Variants in NEBL observed in about 807,000 individuals in gnomAD.
NEBL encodes the protein LIM and SH3 protein 2.
NEBL carries 122 observed loss-of-function variants against 140.2 expected under a neutral mutation model. That is an observed-to-expected ratio of 0.87 (90% confidence interval 0.75 to 1.01). The LOEUF (loss-of-function observed/expected upper bound fraction) is 1.01, where lower values mean the gene tolerates loss of function less well. NEBL is among the 50% of genes least tolerant of loss of function. NEBL has a pLI of 0.00. For missense variants in NEBL, 1,365 were observed against 1,231.3 expected, an observed-to-expected ratio of 1.11 and a Z score of -1.62; for synonymous variants, 436 against 398.9, an observed-to-expected ratio of 1.09 and a Z score of -1.11.
intron 2 of NEBL, among the ~76,000 whole-genome samples, chr10:21,089,243 G>A (rs1836794283): frequency 6.6e-6 from 1 of 152,172 alleles, no homozygotes; most frequent in African/African-American, 2.4e-5. Flanking sequence ...CATGAGGTCA[G>A]GGCTGGATAT....
chr10:20,957,409 T>C (rs1835857825), intron 4 of NEBL, among the ~76,000 whole-genome samples: 1 of 152,232 alleles, frequency 6.6e-6, no homozygotes, highest in South Asian at 2.1e-4. Flanking sequence ...TTAGCTTTTC[T>C]TGTAAAGTAG....
In NEBL at chr10:21,077,974, G is replaced by C. The variant is rs148744089; in HGVS notation, c.165-57773C>G. Among the ~76,000 whole-genome samples, 942 of 152,316 alleles carry C rather than the reference G, an allele frequency of 6.2e-3. 7 individuals are homozygous for C. Among genetic ancestry groups the C allele is most frequent in the Middle Eastern group, 0.058 (17 of 292 alleles). On this transcript the variant is annotated intron_variant, in intron 2 of 6. Transcript: ENST00000417816. ...CATATCAAGTCCGATGGATACTGCA[G>C]AGCTGGCTGTCACAGGGACACTGAG...
chr10:21,214,387 A>G (rs1245328214), intron 3 of NEBL, among the ~76,000 whole-genome samples: 1 of 152,146 alleles, frequency 6.6e-6, no homozygotes, highest in Non-Finnish European at 1.5e-5. Context: ...GAGAGGGAGG[A>G]AGGAAAGAAA....
At chr10:21,138,809 A>G (rs564064771) in intron 2 of NEBL, among the ~76,000 whole-genome samples, 5 of 150,024 alleles carry the variant, frequency 3.3e-5, no homozygotes, top group African/African-American at 1.2e-4. Context: ...TAACGACACC[A>G]AACTAAACTA....
At chr10:21,125,141 A>T (rs1410132486) in intron 2 of NEBL, among the ~76,000 whole-genome samples, 1 of 152,170 alleles carries the variant, frequency 6.6e-6, no homozygotes, top group Non-Finnish European at 1.5e-5. Context: ...AGCAATGCTA[A>T]CATCTCTAAT....
intron 3 of NEBL, among the ~76,000 whole-genome samples, chr10:21,187,131 A>G (rs1333179821): frequency 6.6e-6 from 1 of 152,120 alleles, no homozygotes; most frequent in African/African-American, 2.4e-5. Context: ...ATATATACAT[A>G]CATACATACA....
At chr10:21,031,620 T>A (rs1313641050) in intron 2 of NEBL, among the ~76,000 whole-genome samples, 3 of 152,336 alleles carry the variant, frequency 2.0e-5, no homozygotes, top group East Asian at 3.9e-4. Flanking sequence ...AAATCTGAAC[T>A]GAAGCCAGCT....
intron 2 of NEBL, among the ~76,000 whole-genome samples, chr10:21,038,552 T>A (rs1345240576): frequency 1.3e-5 from 2 of 152,256 alleles, no homozygotes; most frequent in African/African-American, 4.8e-5. Context: ...CATTCTTTTT[T>A]ATGGCTGCAT....
At chr10:20,968,554 C>A (rs575634752) in intron 3 of NEBL, among the ~76,000 whole-genome samples, 58 of 152,120 alleles carry the variant, frequency 3.8e-4, no homozygotes, top group African/African-American at 1.4e-3. Flanking sequence ...AGGGAGGAAT[C>A]ATAGAAGTTC....
chr10:20,878,448 C>A (rs527962097), intron 5 of NEBL, among the ~76,000 whole-genome samples: 1 of 152,312 alleles, frequency 6.6e-6, no homozygotes, highest in South Asian at 2.1e-4. Context: ...CTAGTAAATT[C>A]TCTGCAATGA....
Position 20,819,429 on chromosome 10 carries a change from T to C in NEBL, c.2050A>G (p.Ser684Gly). 1.2e-6 allele frequency: 2 copies of C among 1,614,114 alleles called. No homozygotes were observed. The highest frequency in any genetic ancestry group is 1.7e-6 in the Non-Finnish European group (2 of 1,179,998). ...ERVRRNQEQL[S>G]AVKYKGELQR... is the part of the protein sequence containing the mutation. ...AGGAAACAGAAACGACTTGCCGCACTCAGCTGCTCCTGGTTTCGCCTCACT... is the reference window on the plus strand; with the variant it reads ...AGGAAACAGAAACGACTTGCCGCACCCAGCTGCTCCTGGTTTCGCCTCACT... Residue 684 changes from serine to glycine, a missense_variant, in exon 20 of 28, where the codon AGT (serine) becomes GGT (glycine). Coordinates refer to ENST00000377122, the MANE Select transcript of NEBL (RefSeq NM_006393.3).
At chr10:21,094,486 C>T (rs1287357488) in intron 2 of NEBL, among the ~76,000 whole-genome samples, 6 of 114,690 alleles carry the variant, frequency 5.2e-5, no homozygotes, top group East Asian at 2.6e-4. Flanking sequence ...TGGGAGACAG[C>T]GAGACTCCGT....
At chr10:20,856,591 G>GA (rs1418044084) in intron 9 of NEBL, among the ~76,000 whole-genome samples, 2 of 151,956 alleles carry the variant, frequency 1.3e-5, no homozygotes, top group Non-Finnish European at 2.9e-5. Context: ...GAGTCGTGGA[G>GA]AAAAAAGACA....
intron 4 of NEBL, among the ~76,000 whole-genome samples, chr10:20,937,879 G>C (rs1589041604): frequency 6.6e-6 from 1 of 152,208 alleles, no homozygotes; most frequent in East Asian, 1.9e-4. Context: ...CAAGGCGGCA[G>C]CAAGGGTGGA....
At chr10:20,978,900 T>C (rs1371487483) in intron 3 of NEBL, among the ~76,000 whole-genome samples, 1 of 152,024 alleles carries the variant, frequency 6.6e-6, no homozygotes, top group African/African-American at 2.4e-5. Context: ...CAAGGATAAA[T>C]AGCACAGTGA....
intron 5 of NEBL, among the ~76,000 whole-genome samples, chr10:20,875,156 A>G (rs1435906081): frequency 6.6e-6 from 1 of 152,030 alleles, no homozygotes. Context: ...CCCTGAGCTC[A>G]TATTTTTATC....
In NEBL at chr10:20,817,703, TAAATAAGA is replaced by T. The variant is rs1390971666; in HGVS notation, c.2056-19_2056-12del. 1 of 1,594,972 alleles carries T rather than the reference TAAATAAGA, an allele frequency of 6.3e-7. No homozygotes were observed. The highest frequency in any genetic ancestry group is 2.2e-5 in the East Asian group (1 of 44,760). ...TCCCTTATATTTTACCTAAGAAGGA[TAAATAAGA>T]ACTTTAACAGATAGCACAATGGGCT... On this transcript the variant is annotated splice_polypyrimidine_tract_variant and intron_variant, in intron 20 of 27. Coordinates refer to ENST00000377122, the MANE Select transcript of NEBL (RefSeq NM_006393.3).
intron 2 of NEBL, among the ~76,000 whole-genome samples, chr10:20,891,850 A>T (rs1292426345): frequency 6.6e-6 from 1 of 152,206 alleles, no homozygotes; most frequent in African/African-American, 2.4e-5. Context: ...GTGCAATATG[A>T]ATGACAATAA....
exon 1 of NEBL, chr10:21,174,133 G>T: frequency 1.5e-6 from 1 of 672,632 alleles, no homozygotes; most frequent in Non-Finnish European, 1.9e-6. Context: ...ACAGTCACTC[G>T]CGCCCGCCCC....
Sources: gnomAD v4.1 joint callset for allele counts (sites outside exome capture counted in the v4.1 genomes callset) on GRCh38, gnomAD v4.1.1 for gene constraint, MANE v1.5 for transcripts, NCBI Gene and HGNC (gene_info 2026-07-23, HGNC 2026-07-21) for gene names.